Variants in COG2 observed in about 807,000 individuals in gnomAD.
COG2 encodes the protein component of oligomeric golgi complex 2.
In COG2, 52 loss-of-function variants were observed where a neutral mutation model predicts 90.6. That is an observed-to-expected ratio of 0.57 (90% confidence interval 0.46 to 0.72). The LOEUF (loss-of-function observed/expected upper bound fraction) is 0.72, where lower values mean the gene tolerates loss of function less well. COG2 is among the 30% of genes least tolerant of loss of function. The pLI, the probability that COG2 is intolerant of heterozygous loss-of-function variation, is 0.00. For synonymous variants in COG2, 337 were observed against 320.4 expected, an observed-to-expected ratio of 1.05 and a Z score of -0.55; for missense variants, 829 against 891.2, an observed-to-expected ratio of 0.93 and a Z score of 0.89.
Position 230,668,739 on chromosome 1 carries a change from T to A in COG2, c.549T>A (p.His183Gln). The A allele has an allele frequency of 6.2e-7, 1 of 1,613,264 alleles. No homozygotes were observed. Among genetic ancestry groups the A allele is most frequent in the Non-Finnish European group, 8.5e-7 (1 of 1,179,574 alleles). ...IATEFNQLQF[H>Q]AVQSKGMPLL... ...CAGAATTTAATCAGTTACAGTTTCA[T>A]GCTGTTCAAAGCAAAGGCATGCCTC... The change falls in exon 6 of 18, where the codon CAT becomes CAA. Residue 183 changes from histidine (H) to glutamine (Q), a missense_variant. His to Gln is a conservative substitution (Grantham distance 24, BLOSUM62 0). Coordinates refer to ENST00000366669, the MANE Select transcript of COG2 (RefSeq NM_007357.3).
In COG2 at chr1:230,665,301, A is replaced by G. The variant is rs148526960; in HGVS notation, c.485+714A>G. On this transcript the variant is annotated intron_variant, in intron 5 of 17. Coordinates refer to ENST00000366669, the MANE Select transcript of COG2 (RefSeq NM_007357.3). Reference sequence around the variant, plus strand: ...CATCTCTCATATAAGGCTAATAGGAACTCCACTTGCAGGATTGGTAGCCAT... The same window carrying G: ...CATCTCTCATATAAGGCTAATAGGAGCTCCACTTGCAGGATTGGTAGCCAT... Among the ~76,000 whole-genome samples the G allele has an allele frequency of 1.3e-3, 194 of 152,192 alleles. 1 individual carries two copies. The highest frequency in any genetic ancestry group is 4.4e-3 in the African/African-American group (184 of 41,528).
In COG2 at chr1:230,676,587, A is replaced by C. The variant is rs57481516; in HGVS notation, c.1026+1463A>C. Among the ~76,000 whole-genome samples the C allele has an allele frequency of 6.4e-3, 977 of 152,108 alleles. 7 individuals carry two copies. The highest frequency in any genetic ancestry group is 0.022 in the African/African-American group (909 of 41,504). ...GTCATTTTTATTGTTTTAAATCATC[A>C]TCGTCCTCTGGGAATTACCCTACAT... On this transcript the variant is annotated intron_variant, in intron 9 of 17. Coordinates refer to ENST00000366669, the MANE Select transcript of COG2 (RefSeq NM_007357.3).
In COG2 at chr1:230,648,312, G is replaced by A. The variant is rs79498304; in HGVS notation, c.72+5634G>A. ...CAACAGCCCAGTGTTGCTGAGTGCC[G>A]GGCACAGCATGTGCCATCATTTCAC... On this transcript the variant is annotated intron_variant, in intron 1 of 17. Coordinates refer to ENST00000366669, the MANE Select transcript of COG2 (RefSeq NM_007357.3). 2.1e-3 allele frequency among the ~76,000 whole-genome samples: 323 copies of A among 152,324 alleles called. 2 individuals are homozygous for A. The highest frequency in any genetic ancestry group is 4.1e-3 in the Non-Finnish European group (278 of 68,028).
At chr1:230,678,606 C>A in intron 9 of COG2, 1 of 1,293,250 alleles carries the variant, frequency 7.7e-7, no homozygotes, top group Non-Finnish European at 1.0e-6. Flanking sequence ...ATTCTAATTC[C>A]AGTGGGCTGG....
Position 230,686,916 on chromosome 1 carries a change from C to G in COG2, c.1381-19C>G, listed in dbSNP as rs1366628575. On this transcript the variant is annotated intron_variant, in intron 12 of 17. Transcript: ENST00000366669. ...TCTTGCTAGTGTGAAAGTAGTTAAT[C>G]AGTGAAATCCTTTTTCAGCTTTCAC... 24 of 1,465,570 alleles carry G rather than the reference C, an allele frequency of 1.6e-5. No individual in the cohort carries two copies. The highest frequency in any genetic ancestry group is 2.0e-5 in the Non-Finnish European group (22 of 1,091,288). The allele number at this position is 1,465,570 out of a possible 1,614,324, so 90.8% of individuals were successfully genotyped here. A position where few individuals can be genotyped will look rare whatever the true frequency, so the allele number is the denominator to read the frequency against.
At position 230,656,448 on chromosome 1, in the gene COG2, A is replaced by G. The variant is rs144994487; in HGVS notation, c.73-3016A>G. On this transcript the variant is annotated intron_variant, in intron 1 of 17. Transcript: ENST00000366669. ...TGCACTGTGGTTTGCGAGTCTGTTT[A>G]TTATGATTTTCATTCTTTTGCATTT... is the stretch of plus-strand genomic sequence containing the variant. Among the ~76,000 whole-genome samples, 75 of 152,204 alleles carry G rather than the reference A, an allele frequency of 4.9e-4. 1 individual carries two copies. Among genetic ancestry groups the G allele is most frequent in the African/African-American group, 1.8e-3 (74 of 41,536 alleles).
At chr1:230,691,318 C>T in intron 16 of COG2, 66 bp from the exon 17 acceptor site, 3 of 1,382,962 alleles carry the variant, frequency 2.2e-6, no homozygotes, top group South Asian at 1.6e-5. Flanking sequence ...TCCACAAAGC[C>T]AGTTACTCTA....
At chr1:230,690,577 C>T (rs190133965) in intron 16 of COG2, among the ~76,000 whole-genome samples, 3 of 152,354 alleles carry the variant, frequency 2.0e-5, no homozygotes, top group African/African-American at 4.8e-5. Context: ...AGAAAACATA[C>T]ATTTAAAAGT....
intron 12 of COG2, among the ~76,000 whole-genome samples, chr1:230,686,283 C>T (rs1411519427): frequency 6.6e-6 from 1 of 152,186 alleles, no homozygotes; most frequent in African/African-American, 2.4e-5. Flanking sequence ...CCACCCTGGG[C>T]TGTCAGCTGT....
chr1:230,665,805 C>T (rs1478768892), intron 5 of COG2, among the ~76,000 whole-genome samples: 2 of 152,168 alleles, frequency 1.3e-5, no homozygotes, highest in African/African-American at 4.8e-5. Flanking sequence ...CCACTAACTG[C>T]TCTGCTTCTG....
intron 10 of COG2, 43 bp from the exon 11 acceptor site, chr1:230,683,531 T>C (rs2102769830): frequency 1.4e-6 from 2 of 1,438,902 alleles, no homozygotes; most frequent in Non-Finnish European, 2.0e-6. Context: ...AAGGCATCTG[T>C]CAGAGTCATA....
intron 9 of COG2, among the ~76,000 whole-genome samples, chr1:230,677,535 T>C (rs2102764755): frequency 6.6e-6 from 1 of 152,348 alleles, no homozygotes; most frequent in South Asian, 2.1e-4. Flanking sequence ...ACATTTGTAA[T>C]TTTAAAAAGT....
intron 1 of COG2, among the ~76,000 whole-genome samples, chr1:230,646,183 G>A (rs934476247): frequency 3.3e-5 from 5 of 152,060 alleles, no homozygotes; most frequent in Admixed American, 3.3e-4. Context: ...CCATCTCACA[G>A]CCAAATGCTC....
At position 230,661,828 on chromosome 1, in the gene COG2, T is replaced by TA. The variant is rs538449151; in HGVS notation, c.300+1011dup. Among the ~76,000 whole-genome samples the TA allele has an allele frequency of 1.1e-3, 166 of 152,318 alleles. 1 individual carries two copies. The highest frequency in any genetic ancestry group is 4.0e-3 in the African/African-American group (166 of 41,558). Reference sequence around the variant, plus strand: ...AATGTTTATGTCTTGTTTGATTTTTTAAAAAAGCTTTTAAAGTACTTCTTC... The same window carrying TA: ...AATGTTTATGTCTTGTTTGATTTTTTAAAAAAAGCTTTTAAAGTACTTCTTC... On this transcript the variant is annotated intron_variant, in intron 3 of 17. Coordinates refer to ENST00000366669, the MANE Select transcript of COG2 (RefSeq NM_007357.3).
intron 2 of COG2, among the ~76,000 whole-genome samples, 157 bp from the exon 3 acceptor site, chr1:230,660,601 A>G (rs1409504040): frequency 6.6e-6 from 1 of 152,218 alleles, no homozygotes; most frequent in Non-Finnish European, 1.5e-5. Flanking sequence ...TTATTATAAA[A>G]TAACATTTGT....
intron 10 of COG2, chr1:230,679,882 G>C (rs923212972): frequency 6.6e-6 from 1 of 152,174 alleles, no homozygotes; most frequent in African/African-American, 2.4e-5. Flanking sequence ...CTAGCGTTCT[G>C]AGGAATAATT....
At chr1:230,644,656 A>T (rs1180629295) in intron 1 of COG2, among the ~76,000 whole-genome samples, 1 of 152,228 alleles carries the variant, frequency 6.6e-6, no homozygotes, top group Admixed American at 6.5e-5. Flanking sequence ...ATAGATCATG[A>T]GGGCATGCTA....
intron 6 of COG2, 99 bp downstream of exon 6, chr1:230,668,883 C>A: frequency 1.4e-6 from 1 of 732,048 alleles, no homozygotes; most frequent in Non-Finnish European, 2.2e-6. Context: ...GGTTTTGAAG[C>A]TAACCTTGCA....
At chr1:230,654,622 A>G (rs190987653) in intron 1 of COG2, among the ~76,000 whole-genome samples, 3 of 152,084 alleles carry the variant, frequency 2.0e-5, no homozygotes, top group Non-Finnish European at 4.4e-5. Context: ...ACTTTTTCCA[A>G]TTCTGTGAAA....
Sources: gnomAD v4.1 joint callset for allele counts (sites outside exome capture counted in the v4.1 genomes callset) on GRCh38, gnomAD v4.1.1 for gene constraint, MANE v1.5 for transcripts, NCBI Gene and HGNC (gene_info 2026-07-23, HGNC 2026-07-21) for gene names.